The following NF1 variants were observed in gnomAD, a reference collection of about 807,000 sequenced individuals.
NF1 encodes the protein neurofibromin 1.
A neutral mutation model predicts 325.7 loss-of-function variants in NF1; 122 were observed. That is an observed-to-expected ratio of 0.37 (90% CI 0.32 to 0.44). The LOEUF (loss-of-function observed/expected upper bound fraction) is 0.44. NF1 is among the 20% of genes least tolerant of loss of function. NF1 has a pLI of 1.00. For missense variants in NF1, 2,140 were observed against 3,415.4 expected (o/e 0.63, Z 9.31); for synonymous variants, 1,091 against 1,186.0 (o/e 0.92, Z 1.65).
intron 1 of NF1, among the ~76,000 whole-genome samples, chr17:31,111,071 A>T (rs895842833): frequency 6.6e-6 from 1 of 152,108 alleles, no homozygotes; most frequent in Admixed American, 6.6e-5. Context: ...CACCACCATC[A>T]CAAACCCCCC....
In NF1 at chr17:31,095,344, C is replaced by T. The variant is rs1911554964; in HGVS notation, c.35C>T (p.Ala12Val). ...AAHRPVEWVQ[A>V]VVSRFDEQLP... ...CACAGGCCGGTGGAATGGGTCCAGG[C>T]CGTGGTCAGCCGCTTCGACGAGCAG... is the stretch of plus-strand genomic sequence containing the variant. Residue 12 changes from alanine to valine, a missense_variant, in exon 1 of 58, where the codon GCC (alanine) becomes GTC (valine). Physicochemically the swap from Ala to Val is moderately conservative, Grantham distance 64. This residue lies in a region of NF1 where 246 missense variants were observed against 347.8 expected (regional missense o/e 0.71). Transcript: ENST00000358273. 6.5e-7 allele frequency: 1 copy of T among 1,539,776 alleles called. No individual in the cohort carries two copies. Among genetic ancestry groups the T allele is most frequent in the East Asian group, 2.4e-5 (1 of 40,984 alleles).
At chr17:31,215,726 C>A (rs903902486) in intron 13 of NF1, among the ~76,000 whole-genome samples, 2 of 152,172 alleles carry the variant, frequency 1.3e-5, no homozygotes, top group African/African-American at 4.8e-5. Context: ...TCTTCAGTCC[C>A]TGGAGAGCAG....
chr17:31,343,037 G>A lies in NF1; in HGVS notation c.7091G>A (p.Arg2364Gln), dbSNP rs1555535407. Residue 2364 changes from arginine (R) to glutamine (Q), a missense_variant, in exon 48 of 58, where the codon CGG becomes CAG. Around this residue, in one of 10 missense-constraint regions of NF1, gnomAD observed 522 missense variants for 749.0 expected, o/e 0.70. Coordinates refer to ENST00000358273, the MANE Select transcript of NF1 (RefSeq NM_001042492.3). ...CCAGAGGAAGTATTTATGGCAATCC[G>A]GAATCCTCTGGAGTGGCACTGCAAG... ...KSPEEVFMAI[R>Q]NPLEWHCKQM... 6 of 1,613,860 alleles carry A rather than the reference G, an allele frequency of 3.7e-6. No individual in the cohort carries two copies. Among genetic ancestry groups the A allele is most frequent in the Non-Finnish European group, 5.1e-6 (6 of 1,179,968 alleles).
Position 31,191,591 on chromosome 17 carries a change from C to G in NF1, c.889-8831C>G, listed in dbSNP as rs17879953. ...ACAAAATTCAGGACAGAAAGCAGAT[C>G]AGTGGATGCCAGGAGTGAGAGTTAG... is the stretch of plus-strand genomic sequence containing the variant. On this transcript the variant is annotated intron_variant, in intron 8 of 57. Transcript: ENST00000358273. Among the ~76,000 whole-genome samples, 31 of 152,276 alleles carry G rather than the reference C, an allele frequency of 2.0e-4. No individual in the cohort carries two copies. The South Asian group carries it at 4.2e-3, about 20-fold the overall frequency.
At chr17:31,318,463 A>C (rs775014153) in intron 36 of NF1, 2 of 1,614,020 alleles carry the variant, frequency 1.2e-6, no homozygotes, top group Non-Finnish European at 1.7e-6. Flanking sequence ...ACCGCTTGCC[A>C]GAAAATCGCC....
Position 31,229,140 on chromosome 17 carries a change from G to A in NF1, c.2525G>A (p.Gly842Asp), listed in dbSNP as rs1597715290. 6.2e-7 allele frequency: 1 copy of A among 1,611,868 alleles called. No homozygotes were observed. The highest frequency in any genetic ancestry group is 8.5e-7 in the Non-Finnish European group (1 of 1,179,794). The stretch of plus-strand genomic sequence containing the variant: ...CTACAGGAATGGATCAACATGACTG[G>A]CTTCCTTTGTGCCCTTGGGGGAGTG... Reference protein sequence around the residue: ...DSLQEWINMTGFLCALGGVCL... With the variant: ...DSLQEWINMTDFLCALGGVCL... The change falls in exon 21 of 58, where the codon GGC becomes GAC. Residue 842 changes from glycine (G) to aspartate (D), a missense_variant. By Grantham distance (94) the Gly-to-Asp change is moderately conservative. Coordinates refer to ENST00000358273, the MANE Select transcript of NF1 (RefSeq NM_001042492.3).
intron 1 of NF1, among the ~76,000 whole-genome samples, chr17:31,118,139 A>G (rs1914115433): frequency 6.6e-6 from 1 of 152,198 alleles, no homozygotes; most frequent in South Asian, 2.1e-4. Context: ...ATGTTGTGTT[A>G]TAAGCATAAA....
At chr17:31,293,107 G>C (rs376188820) in intron 36 of NF1, among the ~76,000 whole-genome samples, 3 of 140,198 alleles carry the variant, frequency 2.1e-5, no homozygotes, top group East Asian at 2.2e-4. Flanking sequence ...GAACCTGGGA[G>C]GGGGAGATTG....
rs186321263 is a variant in NF1 at position 31,250,301 on chromosome 17, T to G, written c.4110+1182T>G. 1.1e-4 allele frequency: 25 copies of G among 233,674 alleles called. No individual in the cohort carries two copies. The Admixed American group carries it at 1.1e-3, about 10-fold the overall frequency. 14.5% of individuals were successfully genotyped at this position (233,674 alleles called of 1,614,324 possible). A position where few individuals can be genotyped will look rare whatever the true frequency, so the allele number is the denominator to read the frequency against. ...AATATGAAACTTAATACAGTGAATA[T>G]CTTCTCAAGTTTGGGCTGTATTCAG... is the stretch of plus-strand genomic sequence containing the variant. On this transcript the variant is annotated intron_variant, in intron 30 of 57. Coordinates refer to ENST00000358273, the MANE Select transcript of NF1 (RefSeq NM_001042492.3).
intron 36 of NF1, among the ~76,000 whole-genome samples, chr17:31,267,437 A>G (rs1341696710): frequency 1.3e-5 from 2 of 151,952 alleles, no homozygotes; most frequent in Admixed American, 6.6e-5. Flanking sequence ...CAGATTTTCA[A>G]TCCTTTTAGT....
chr17:31,130,192 G>T (rs987799293), intron 1 of NF1, among the ~76,000 whole-genome samples: 4 of 150,660 alleles, frequency 2.7e-5, no homozygotes, highest in Non-Finnish European at 4.4e-5. Flanking sequence ...CAGGACTCCC[G>T]GAGTACATGG....
intron 1 of NF1, among the ~76,000 whole-genome samples, chr17:31,129,188 G>A (rs1156766721): frequency 1.3e-5 from 2 of 152,142 alleles, no homozygotes; most frequent in Non-Finnish European, 2.9e-5. Flanking sequence ...TCTCTAGCTA[G>A]GTTGGGGAAG....
At chr17:31,147,186 G>T (rs1916638160) in intron 1 of NF1, among the ~76,000 whole-genome samples, 1 of 152,174 alleles carries the variant, frequency 6.6e-6, no homozygotes, top group Non-Finnish European at 1.5e-5. Context: ...TCCAGATCAA[G>T]AAATAAAACA....
chr17:31,099,688 T>G (rs1278654636), intron 1 of NF1, among the ~76,000 whole-genome samples: 1 of 151,488 alleles, frequency 6.6e-6, no homozygotes, highest in African/African-American at 2.4e-5. Context: ...GCCTCCCAAG[T>G]AGCTGGGATT....
intron 57 of NF1, chr17:31,361,009 T>G: frequency 5.5e-6 from 2 of 361,136 alleles, no homozygotes; most frequent in Non-Finnish European, 1.0e-5. Context: ...AACAGAACTA[T>G]AATTTATTTA....
Position 31,296,104 on chromosome 17 carries a change from T to C in NF1, c.4836-29716T>C, listed in dbSNP as rs763538942. 1.9e-6 allele frequency: 3 copies of C among 1,612,402 alleles called. No homozygotes were observed. The highest frequency in any genetic ancestry group is 3.3e-5 in the Admixed American group (2 of 59,784). ...TGTCCAGGGTCCTCAGATTGGTATATTGGGTTAACTGGTTATGCAGATCAG... is the reference window on the plus strand; with the variant it reads ...TGTCCAGGGTCCTCAGATTGGTATACTGGGTTAACTGGTTATGCAGATCAG... On this transcript the variant is annotated intron_variant, in intron 36 of 57. Coordinates refer to ENST00000358273, the MANE Select transcript of NF1 (RefSeq NM_001042492.3).
intron 1 of NF1, among the ~76,000 whole-genome samples, chr17:31,122,004 T>C (rs1031835835): frequency 6.6e-6 from 1 of 152,204 alleles, no homozygotes; most frequent in African/African-American, 2.4e-5. Context: ...CAATTAAGTG[T>C]TGAATGAATG....
chr17:31,300,757 G>T (rs541155345), intron 36 of NF1, among the ~76,000 whole-genome samples: 1 of 152,036 alleles, frequency 6.6e-6, no homozygotes, highest in Non-Finnish European at 1.5e-5. Flanking sequence ...CCATTTTGCA[G>T]TCCCACCAAC....
At position 31,235,984 on chromosome 17, in the gene NF1, G is replaced by C. The variant is rs2151438636; in HGVS notation, c.3937G>C (p.Asp1313His). The change falls in exon 29 of 58, where the codon GAT becomes CAT. Residue 1313 changes from aspartate to histidine, a missense_variant. Coordinates refer to ENST00000358273, the MANE Select transcript of NF1 (RefSeq NM_001042492.3). Reference sequence around the variant, plus strand: ...ATTACGAATTGTGATCACATCCTCTGATTGGCAACATGTTAGCTTTGAAGT... The same window carrying C: ...ATTACGAATTGTGATCACATCCTCTCATTGGCAACATGTTAGCTTTGAAGT... The part of the protein sequence containing the change: ...PLLRIVITSS[D>H]WQHVSFEVDP... 1 of 1,613,666 alleles carries C rather than the reference G, an allele frequency of 6.2e-7. No homozygotes were observed. Among genetic ancestry groups the C allele is most frequent in the Non-Finnish European group, 8.5e-7 (1 of 1,179,924 alleles).
Sources: gnomAD v4.1 joint callset for allele counts (sites outside exome capture counted in the v4.1 genomes callset) on GRCh38, gnomAD v4.1.1 for gene constraint, gnomAD v4.1.1 regional missense constraint, MANE v1.5 for transcripts, NCBI Gene and HGNC (gene_info 2026-07-23, HGNC 2026-07-21) for gene names.